Variants in FAM111B observed in about 807,000 individuals in gnomAD.
The protein encoded by FAM111B is serine protease FAM111B.
In FAM111B, 1 loss-of-function variant was observed where a neutral mutation model predicts 2.8. That is an observed-to-expected ratio of 0.36 (90% CI 0.13 to 1.70). The LOEUF is 1.70. Ranked by LOEUF, FAM111B falls within the 40% of genes most tolerant of loss-of-function variation. FAM111B has a pLI of 0.35. For synonymous variants in FAM111B, 297 were observed against 295.6 expected, an observed-to-expected ratio of 1.00 and a Z score of -0.05; for missense variants, 882 against 878.9, an observed-to-expected ratio of 1.00 and a Z score of -0.04.
Position 59,124,853 on chromosome 11 carries a change from A to G in FAM111B, c.756A>G (p.Lys252=), listed in dbSNP as rs1859989714. 1.2e-6 allele frequency: 2 copies of G among 1,613,624 alleles called. No individual in the cohort carries two copies. Among genetic ancestry groups the G allele is most frequent in the Admixed American group, 1.7e-5 (1 of 59,946 alleles). The change falls in exon 4 of 4, where the codon AAA becomes AAG. Residue 252 remains lysine (K), a synonymous_variant. Coordinates refer to ENST00000343597, the MANE Select transcript of FAM111B (RefSeq NM_198947.4). ...LKEGHKKIYG[K]QSMVDEVSGK... ...AAGGTCATAAGAAAATTTATGGAAAACAGTCCATGGTGGATGAAGTATCTG... is the reference window on the plus strand; with the variant it reads ...AAGGTCATAAGAAAATTTATGGAAAGCAGTCCATGGTGGATGAAGTATCTG...
rs1390724407 is a variant in FAM111B at position 59,124,895 on chromosome 11, G to T, written c.798G>T (p.Met266Ile). ...VDEVSGKVLE[M>I]DISKKKALQQ... ...AAGTATCTGGAAAAGTCTTAGAAATGGACATTTCAAAAAAAAAAGCATTAC... is the reference window on the plus strand; with the variant it reads ...AAGTATCTGGAAAAGTCTTAGAAATTGACATTTCAAAAAAAAAAGCATTAC... The change falls in exon 4 of 4, where the codon ATG becomes ATT. Residue 266 changes from methionine (M) to isoleucine (I), a missense_variant. By Grantham distance (10) the Met-to-Ile change is conservative. Transcript: ENST00000343597. 4 of 1,599,226 alleles carry T rather than the reference G, an allele frequency of 2.5e-6. No homozygotes were observed. Among genetic ancestry groups the T allele is most frequent in the Non-Finnish European group, 3.4e-6 (4 of 1,175,890 alleles).
At chr11:59,114,777 G>C (rs1489106432) in intron 3 of FAM111B, among the ~76,000 whole-genome samples, 1 of 152,094 alleles carries the variant, frequency 6.6e-6, no homozygotes, top group African/African-American at 2.4e-5. Flanking sequence ...TGACACTGTA[G>C]AGGGAGAAAG....
At chr11:59,123,828 A>G (rs774173620) in intron 3 of FAM111B, among the ~76,000 whole-genome samples, 8 of 152,182 alleles carry the variant, frequency 5.3e-5, no homozygotes, top group Non-Finnish European at 1.0e-4. Flanking sequence ...AAAAGGTAGG[A>G]GTCCAACTCA....
At position 59,126,192 on chromosome 11, in the gene FAM111B, G is replaced by C. The variant is rs1214685711; in HGVS notation, c.2095G>C (p.Glu699Gln). 1 of 1,611,152 alleles carries C rather than the reference G, an allele frequency of 6.2e-7. No individual in the cohort carries two copies. Among genetic ancestry groups the C allele is most frequent in the Admixed American group, 1.7e-5 (1 of 59,508 alleles). Residue 699 changes from glutamate to glutamine, a missense_variant, in exon 4 of 4, where the codon GAG becomes CAG. Glu to Gln is a conservative substitution (Grantham distance 29, BLOSUM62 2). Coordinates refer to ENST00000343597, the MANE Select transcript of FAM111B (RefSeq NM_198947.4). ...TCTTTGTGATATTAAAAAGACAAAT[G>C]AGAGCTTGTATAAATCATTAAATGA... is the stretch of plus-strand genomic sequence containing the variant. ...SILCDIKKTN[E>Q]SLYKSLNDEK...
intron 3 of FAM111B, among the ~76,000 whole-genome samples, chr11:59,117,102 A>G (rs375696612): frequency 1.4e-4 from 22 of 152,226 alleles, no homozygotes; most frequent in African/African-American, 5.1e-4. Context: ...GTCTTTGGGT[A>G]AAGTCACAGG....
chr11:59,124,133 T>C (rs762634551), intron 3 of FAM111B, 46 bp from the exon 4 acceptor site: 1 of 1,328,438 alleles, frequency 7.5e-7, no homozygotes, highest in East Asian at 2.3e-5. Flanking sequence ...TATAAAACAT[T>C]ATTAAAGGTG....
In FAM111B at chr11:59,126,396, T is replaced by C. The variant is rs1168184718; in HGVS notation, c.*94T>C. 5 of 1,047,596 alleles carry C rather than the reference T, an allele frequency of 4.8e-6. No individual in the cohort carries two copies. Among genetic ancestry groups the C allele is most frequent in the Middle Eastern group, 2.8e-4 (1 of 3,560 alleles). 64.9% of individuals were successfully genotyped at this position (1,047,596 alleles called of 1,614,324 possible). ...AAAGCAATTGCAACAAAAGTGAAAA[T>C]TGGCAAATGAGACCTAATTAAATCT... On this transcript the variant is annotated 3_prime_UTR_variant, in exon 4 of 4. Coordinates refer to ENST00000343597, the MANE Select transcript of FAM111B (RefSeq NM_198947.4).
chr11:59,110,670 C>T (rs1033173019), intron 3 of FAM111B, among the ~76,000 whole-genome samples: 5 of 152,092 alleles, frequency 3.3e-5, no homozygotes, highest in African/African-American at 1.2e-4. Flanking sequence ...TAATTATGTA[C>T]ATTAATTATG....
chr11:59,123,790 G>T (rs568926607), intron 3 of FAM111B, among the ~76,000 whole-genome samples: 1 of 152,184 alleles, frequency 6.6e-6, no homozygotes, highest in Non-Finnish European at 1.5e-5. Flanking sequence ...ATAATAGAGG[G>T]CTGTTTCTGA....
Position 59,124,381 on chromosome 11 carries a change from G to A in FAM111B, c.284G>A (p.Ser95Asn). 1.2e-6 allele frequency: 2 copies of A among 1,613,758 alleles called. No homozygotes were observed. The highest frequency in any genetic ancestry group is 1.7e-6 in the Non-Finnish European group (2 of 1,179,830). Residue 95 changes from serine (S) to asparagine (N), a missense_variant, in exon 4 of 4, where the codon AGT becomes AAT. By Grantham distance (46) the Ser-to-Asn change is conservative. Coordinates refer to ENST00000343597, the MANE Select transcript of FAM111B (RefSeq NM_198947.4). ...GGAAACTCCAGAAAATTAGACCGTAGTGTGTTTACAGCATATGGTAAACCC... is the reference window on the plus strand; with the variant it reads ...GGAAACTCCAGAAAATTAGACCGTAATGTGTTTACAGCATATGGTAAACCC... ...LNGNSRKLDR[S>N]VFTAYGKPSE...
chr11:59,117,013 A>G (rs1859849645), intron 3 of FAM111B, among the ~76,000 whole-genome samples: 1 of 152,222 alleles, frequency 6.6e-6, no homozygotes, highest in Admixed American at 6.5e-5. Flanking sequence ...GAACATCTCA[A>G]TGGGAGATGC....
At position 59,125,315 on chromosome 11, in the gene FAM111B, AGAG is replaced by A; in HGVS notation, c.1223_1225del (p.Glu408del). ...TAATGCATCAGTATCCGAATTTTAAAGAGGAGGCACAGTGGGTAAGAAAATATT... is the reference window on the plus strand; with the variant it reads ...TAATGCATCAGTATCCGAATTTTAAAGAGGCACAGTGGGTAAGAAAATATT... On this transcript the variant is annotated inframe_deletion, in exon 4 of 4. Transcript: ENST00000343597. 6.2e-7 allele frequency: 1 copy of A among 1,614,024 alleles called. No individual in the cohort carries two copies. The highest frequency in any genetic ancestry group is 8.5e-7 in the Non-Finnish European group (1 of 1,179,880).
chr11:59,123,129 G>T (rs1465697334), intron 3 of FAM111B, among the ~76,000 whole-genome samples: 9 of 151,940 alleles, frequency 5.9e-5, no homozygotes, highest in Admixed American at 5.9e-4. Context: ...TTATTTATCT[G>T]CCATTTTAAT....
In FAM111B at chr11:59,126,249, G is replaced by C; in HGVS notation, c.2152G>C (p.Gly718Arg). 1.3e-6 allele frequency: 2 copies of C among 1,589,758 alleles called. No individual in the cohort carries two copies. The highest frequency in any genetic ancestry group is 1.7e-6 in the Non-Finnish European group (2 of 1,172,166). The change falls in exon 4 of 4, where the codon GGT (glycine) becomes CGT (arginine). Residue 718 changes from glycine to arginine, a missense_variant. Coordinates refer to ENST00000343597, the MANE Select transcript of FAM111B (RefSeq NM_198947.4). ...EKLETYDEEK[G>R]KQESSLQDHQ... The stretch of plus-strand genomic sequence containing the variant: ...ACTTGAGACCTACGATGAAGAGAAA[G>C]GTAAACAAGAGTCATCACTTCAAGA...
chr11:59,124,051 C>A (rs1859964973), intron 3 of FAM111B, 128 bp from the exon 4 acceptor site: 4 of 544,024 alleles, frequency 7.4e-6, no homozygotes, highest in Non-Finnish European at 1.2e-5. Flanking sequence ...TTGATTTTTT[C>A]TCCATTATTC....
At chr11:59,110,729 A>G (rs1859745198) in intron 3 of FAM111B, among the ~76,000 whole-genome samples, 1 of 152,198 alleles carries the variant, frequency 6.6e-6, no homozygotes, top group African/African-American at 2.4e-5. Context: ...AATGAATAAC[A>G]TTTCACTAGT....
chr11:59,124,957 A>T lies in FAM111B; in HGVS notation c.860A>T (p.Glu287Val). The T allele has an allele frequency of 6.2e-7, 1 of 1,610,050 alleles. No homozygotes were observed. Among genetic ancestry groups the T allele is most frequent in the Non-Finnish European group, 8.5e-7 (1 of 1,179,006 alleles). Residue 287 changes from glutamate (E) to valine (V), a missense_variant, in exon 4 of 4, where the codon GAA (glutamate) becomes GTA (valine). Glu to Val is a moderately radical substitution (Grantham distance 121). Transcript: ENST00000343597. ...ATCCATAAAAAAATTAAACAGAATG[A>T]AAGTGCCACTGATGAAATTAATCAC... is the stretch of plus-strand genomic sequence containing the variant. ...KDIHKKIKQN[E>V]SATDEINHQS...
Position 59,125,563 on chromosome 11 carries a change from G to A in FAM111B, c.1466G>A (p.Arg489Gln), listed in dbSNP as rs767471589. The change falls in exon 4 of 4, where the codon CGA becomes CAA. Residue 489 changes from arginine (R) to glutamine (Q), a missense_variant. Physicochemically the swap from Arg to Gln is conservative, Grantham distance 43. Transcript: ENST00000343597. ...AATGGTGGTTATATTTTCACCTGTCGACATGTTGTACATCTTATGGTGGGT... is the reference window on the plus strand; with the variant it reads ...AATGGTGGTTATATTTTCACCTGTCAACATGTTGTACATCTTATGGTGGGT... ...VFNGGYIFTC[R>Q]HVVHLMVGKN... The A allele has an allele frequency of 1.5e-5, 25 of 1,613,678 alleles. No individual in the cohort carries two copies. Among genetic ancestry groups the A allele is most frequent in the African/African-American group, 4.0e-5 (3 of 74,876 alleles).
At chr11:59,109,192 TC>T (rs1444693599) in intron 2 of FAM111B, among the ~76,000 whole-genome samples, 5 of 152,196 alleles carry the variant, frequency 3.3e-5, no homozygotes, top group African/African-American at 1.2e-4. Flanking sequence ...ACAGTTTCGT[TC>T]CACTCATGCA....
Sources: allele counts gnomAD v4.1 joint callset (sites outside exome capture counted in the v4.1 genomes callset), GRCh38; gene constraint gnomAD v4.1.1; transcripts MANE v1.5; gene names NCBI Gene and HGNC (gene_info 2026-07-23, HGNC 2026-07-21).